P4HB: variants seen among roughly 807,000 people sequenced by gnomAD.
P4HB encodes protein disulfide-isomerase.
In P4HB, 20 loss-of-function variants were observed where a neutral mutation model predicts 52.6. The observed-to-expected ratio is 0.38, with a 90% CI of 0.27 to 0.55. The LOEUF is 0.55. Among genes scored for constraint, P4HB ranks in the 20% least tolerant of loss-of-function variants. The pLI is 0.74. For synonymous variants in P4HB, 296 were observed against 277.9 expected, an observed-to-expected ratio of 1.07 and a Z score of -0.65; for missense variants, 601 against 669.2, an observed-to-expected ratio of 0.90 and a Z score of 1.12.
Position 81,846,301 on chromosome 17 carries a change from T to A in P4HB, c.1056+128A>T, listed in dbSNP as rs2038734385. The A allele has an allele frequency of 2.2e-6, 2 of 895,304 alleles. No homozygotes were observed. The highest frequency in any genetic ancestry group is 3.5e-6 in the Non-Finnish European group (2 of 567,288). The allele number at this position is 895,304 out of a possible 1,614,324, so 55.5% of individuals were successfully genotyped here. On this transcript the variant is annotated intron_variant, in intron 7 of 10. Coordinates refer to ENST00000331483, the MANE Select transcript of P4HB (RefSeq NM_000918.4). This position sits in a 1 kb window ranked among gnomAD's most constrained non-coding sequence, Gnocchi z 5.7. The stretch of plus-strand genomic sequence containing the variant: ...GACAAGAATGGTGGTCTTCACACCA[T>A]CTTGGGCTCCGTCCTCTTACTCTGA...
intron 10 of P4HB, 92 bp from the exon 11 acceptor site, chr17:81,844,184 C>G: frequency 1.1e-6 from 1 of 928,002 alleles, no homozygotes; most frequent in East Asian, 2.4e-5. Flanking sequence ...ACACCGGGGA[C>G]TAGCCGGCCA....
At chr17:81,849,583 C>T (rs923017496) in intron 4 of P4HB, among the ~76,000 whole-genome samples, 5 of 152,306 alleles carry the variant, frequency 3.3e-5, no homozygotes, top group South Asian at 2.1e-4. Flanking sequence ...TCCTGAAAGG[C>T]GCAATCCACG....
chr17:81,858,044 G>A lies in P4HB; in HGVS notation c.352+1137C>T, dbSNP rs376375517. ...TAATCCTAGCACTCTAGGAGGCCGA[G>A]ACGGGTGGATCACGAGGTCACGATC... On this transcript the variant is annotated intron_variant, in intron 2 of 10. Coordinates refer to ENST00000331483, the MANE Select transcript of P4HB (RefSeq NM_000918.4). Among the ~76,000 whole-genome samples, 31 of 152,206 alleles carry A rather than the reference G, an allele frequency of 2.0e-4. 1 individual carries two copies. The East Asian group carries it at 3.9e-3, about 19-fold the overall frequency.
chr17:81,853,369 G>A (rs1303041726), intron 4 of P4HB, among the ~76,000 whole-genome samples: 4 of 152,064 alleles, frequency 2.6e-5, no homozygotes, highest in South Asian at 2.1e-4. Flanking sequence ...TCAGGAGTTC[G>A]AGACCACCCT....
At chr17:81,856,877 T>C (rs1241718114) in intron 2 of P4HB, among the ~76,000 whole-genome samples, 2 of 152,072 alleles carry the variant, frequency 1.3e-5, no homozygotes, top group African/African-American at 4.8e-5. Flanking sequence ...CTTGAACTCC[T>C]GACCTCGTGA....
At chr17:81,849,620 A>G (rs1830135363) in intron 4 of P4HB, among the ~76,000 whole-genome samples, 1 of 152,178 alleles carries the variant, frequency 6.6e-6, no homozygotes. Context: ...GGGACCCCTA[A>G]TAATGCACGG....
chr17:81,855,219 G>A lies in P4HB; in HGVS notation c.547C>T (p.Pro183Ser), dbSNP rs756988272. Residue 183 changes from proline to serine, a missense_variant, in exon 4 of 11, where the codon CCA becomes TCA. Coordinates refer to ENST00000331483, the MANE Select transcript of P4HB (RefSeq NM_000918.4). The surrounding 1 kb of genome is among the most constrained non-coding windows in gnomAD (Gnocchi z 4.3). The stretch of plus-strand genomic sequence containing the variant: ...TCACTGTTGGAAGTGATCCCAAATG[G>A]TATGTCATCGATGGCCTCTGCTGCC... ...LQAAEAIDDI[P>S]FGITSNSDVF... The A allele has an allele frequency of 2.5e-6, 4 of 1,613,784 alleles. No individual in the cohort carries two copies. In the African/African-American group the frequency reaches 5.3e-5, roughly 22 times the overall value.
In P4HB at chr17:81,855,484, G is replaced by A. The variant is rs771212950; in HGVS notation, c.455C>T (p.Ser152Phe). Residue 152 changes from serine (S) to phenylalanine (F), a missense_variant, in exon 3 of 11, where the codon TCC (serine) becomes TTC (phenylalanine). Transcript: ENST00000331483. This position sits in a 1 kb window ranked among gnomAD's most constrained non-coding sequence, Gnocchi z 4.3. ...DGAAAESLVE[S>F]SEVAVIGFFK... ...GAAGCCGATGACAGCCACCTCGCTG[G>A]ACTCCACCAAGGACTCTGCAGCTGC... The A allele has an allele frequency of 6.2e-7, 1 of 1,613,770 alleles. No homozygotes were observed. Among genetic ancestry groups the A allele is most frequent in the Non-Finnish European group, 8.5e-7 (1 of 1,179,898 alleles).
intron 2 of P4HB, among the ~76,000 whole-genome samples, chr17:81,858,257 CAAAA>C (rs901002093): frequency 1.5e-4 from 6 of 38,778 alleles, no homozygotes; most frequent in African/African-American, 2.3e-4. Context: ...GAGACTGTCT[CAAAA>C]AAAAAAAAAA....
At chr17:81,844,186 A>AGCCGGCCACGGCGGACATGGCC in intron 10 of P4HB, 94 bp from the exon 11 acceptor site, 1 of 916,020 alleles carries the variant, frequency 1.1e-6, no homozygotes, top group Admixed American at 1.7e-5. Flanking sequence ...ACCGGGGACT[A>AGCCGGCCACGGCGGACATGGCC]GCCGGCCACG....
chr17:81,845,490 C>T, intron 9 of P4HB, 71 bp downstream of exon 9: 1 of 1,419,962 alleles, frequency 7.0e-7, no homozygotes, highest in Non-Finnish European at 9.5e-7. Flanking sequence ...TCCAGAGAGG[C>T]ACCCAGGCTG....
chr17:81,846,432 G>C lies in P4HB; in HGVS notation c.1053C>G (p.Ile351Met), dbSNP rs776949213. The C allele has an allele frequency of 1.2e-6, 2 of 1,613,290 alleles. No homozygotes were observed. Among genetic ancestry groups the C allele is most frequent in the Non-Finnish European group, 1.7e-6 (2 of 1,180,008 alleles). The change falls in exon 7 of 11, where the codon ATC becomes ATG. Residue 351 changes from isoleucine (I) to methionine (M), a missense_variant. Transcript: ENST00000331483. The surrounding 1 kb of genome is among the most constrained non-coding windows in gnomAD (Gnocchi z 5.7). ...EFCHRFLEGK[I>M]KPHLMSQELP... ...TGGCCCGGGGACGCGCCTGCACCTTGATTTTGCCCTCCAGGAAGCGGTGGC... is the reference window on the plus strand; with the variant it reads ...TGGCCCGGGGACGCGCCTGCACCTTCATTTTGCCCTCCAGGAAGCGGTGGC...
intron 4 of P4HB, chr17:81,847,940 T>C (rs1271822139): frequency 5.3e-5 from 8 of 151,180 alleles, no homozygotes; most frequent in African/African-American, 2.0e-4. Context: ...AGTCTTGCTG[T>C]GTCTCCCAGG....
intron 2 of P4HB, among the ~76,000 whole-genome samples, chr17:81,857,657 C>A (rs797004469): frequency 1.3e-5 from 2 of 152,286 alleles, no homozygotes; most frequent in African/African-American, 4.8e-5. Flanking sequence ...GGAGTTCTCG[C>A]CAATGGCCCA....
At chr17:81,845,313 G>T in intron 9 of P4HB, 83 bp from the exon 10 acceptor site, 1 of 1,195,092 alleles carries the variant, frequency 8.4e-7, no homozygotes, top group Non-Finnish European at 1.2e-6. Context: ...CCTAGAGAAA[G>T]GCAGAGCAGG....
intron 4 of P4HB, among the ~76,000 whole-genome samples, chr17:81,849,425 G>T (rs1001890839): frequency 2.6e-5 from 4 of 152,180 alleles, no homozygotes; most frequent in Non-Finnish European, 4.4e-5. Flanking sequence ...GAACCCAGGA[G>T]GCGGAGGTTG....
rs1465409895 is a variant in P4HB, at chr17:81,855,554, G to A, written c.385C>T (p.Leu129=). ...GCAGCCGGGCCCGTGCGCTTCTTCA[G>A]CCAGTTCACGATGTCATCAGCCTCT... The part of the protein sequence containing the change: ...GREADDIVNW[L]KKRTGPAATT... Residue 129 remains leucine (L), a synonymous_variant, in exon 3 of 11, where the codon CTG becomes TTG. Transcript: ENST00000331483. The surrounding 1 kb of genome is among the most constrained non-coding windows in gnomAD (Gnocchi z 4.3). The A allele has an allele frequency of 1.2e-6, 2 of 1,614,018 alleles. No individual in the cohort carries two copies. Among genetic ancestry groups the A allele is most frequent in the South Asian group, 2.2e-5 (2 of 91,082 alleles).
rs1176511089 is a variant in P4HB, at chr17:81,846,650, G to A, written c.856-21C>T. 1.9e-6 allele frequency: 3 copies of A among 1,608,926 alleles called. No homozygotes were observed. The South Asian group carries it at 3.3e-5, about 18-fold the overall frequency. On this transcript the variant is annotated intron_variant, in intron 6 of 10. Transcript: ENST00000331483. This position sits in a 1 kb window ranked among gnomAD's most constrained non-coding sequence, Gnocchi z 5.7. Reference sequence around the variant, plus strand: ...AGGATCTGGGGGAGAAAAGGAGGTTGCACAGGTGCGGGAGACGGCTGGCCT... The same window carrying A: ...AGGATCTGGGGGAGAAAAGGAGGTTACACAGGTGCGGGAGACGGCTGGCCT...
intron 2 of P4HB, among the ~76,000 whole-genome samples, chr17:81,856,896 C>A (rs1312716348): frequency 1.3e-5 from 2 of 152,134 alleles, no homozygotes; most frequent in Non-Finnish European, 2.9e-5. Context: ...GATCCGCCCG[C>A]CTCGGCCTCC....
Sources: allele counts gnomAD v4.1 joint callset (sites outside exome capture counted in the v4.1 genomes callset), GRCh38; gene constraint gnomAD v4.1.1; non-coding constraint Gnocchi (gnomAD v3.1); transcripts MANE v1.5; gene names NCBI Gene and HGNC (gene_info 2026-07-23, HGNC 2026-07-21).